Variants in PHF21A observed in about 807,000 individuals in gnomAD.
PHF21A encodes PHD finger protein 21A.
A neutral mutation model predicts 82.5 loss-of-function variants in PHF21A; 11 were observed. The observed-to-expected ratio is 0.13, with a 90% confidence interval of 0.08 to 0.22. PHF21A has a LOEUF of 0.22. Among genes scored for constraint, PHF21A ranks in the 10% least tolerant of loss-of-function variants. The pLI, the probability that PHF21A is intolerant of heterozygous loss-of-function variation, is 1.00. For synonymous variants in PHF21A, 297 were observed against 302.8 expected, an observed-to-expected ratio of 0.98 and a Z score of 0.20; for missense variants, 579 against 837.8, an observed-to-expected ratio of 0.69 and a Z score of 3.81.
At chr11:46,020,416 G>T (rs372101919) in intron 6 of PHF21A, among the ~76,000 whole-genome samples, 164 of 152,172 alleles carry the variant, frequency 1.1e-3, no homozygotes, top group African/African-American at 3.3e-3. Context: ...GGGTCTTTGC[G>T]CAGCAGCAGG....
At chr11:46,099,562 A>ACACACACACACACACACC (rs1228299404) in intron 1 of PHF21A, among the ~76,000 whole-genome samples, 5 of 145,922 alleles carry the variant, frequency 3.4e-5, no homozygotes, top group African/African-American at 7.6e-5. Context: ...ACACACACAC[A>ACACACACACACACACACC]CCCTAAACAC....
At chr11:45,949,032 G>T in intron 13 of PHF21A, 86 bp from the exon 14 acceptor site, 1 of 1,033,804 alleles carries the variant, frequency 9.7e-7, no homozygotes, top group South Asian at 1.3e-5. Context: ...AGCATGGCAT[G>T]ACTGTCAACA....
At chr11:45,982,620 T>C (rs1370687193) in intron 6 of PHF21A, among the ~76,000 whole-genome samples, 1 of 152,210 alleles carries the variant, frequency 6.6e-6, no homozygotes, top group African/African-American at 2.4e-5. Context: ...ATTTTATTGC[T>C]TGGTGACTGC....
At chr11:46,086,904 T>C (rs2096863615) in intron 3 of PHF21A, among the ~76,000 whole-genome samples, 1 of 152,058 alleles carries the variant, frequency 6.6e-6, no homozygotes, top group East Asian at 1.9e-4. Context: ...ATAACAAAAA[T>C]CTATGAAAAA....
intron 6 of PHF21A, among the ~76,000 whole-genome samples, chr11:46,061,258 G>C (rs886990138): frequency 2.0e-5 from 3 of 152,126 alleles, no homozygotes; most frequent in Non-Finnish European, 4.4e-5. Flanking sequence ...CACCAGCTTT[G>C]TTCTTTTTGC....
chr11:46,019,081 A>G (rs200548180), intron 6 of PHF21A, among the ~76,000 whole-genome samples: 7 of 151,730 alleles, frequency 4.6e-5, no homozygotes, highest in Non-Finnish European at 4.4e-5. Context: ...AGCCTAATCT[A>G]ATTTTTTTTT....
intron 6 of PHF21A, among the ~76,000 whole-genome samples, chr11:46,068,682 A>G (rs547551114): frequency 5.1e-4 from 77 of 152,302 alleles, no homozygotes; most frequent in African/African-American, 1.7e-3. Flanking sequence ...AAAAAAATAC[A>G]GTAGATTCCA....
At chr11:46,110,788 ATT>A (rs201509628) in intron 1 of PHF21A, among the ~76,000 whole-genome samples, 91 of 145,142 alleles carry the variant, frequency 6.3e-4, no homozygotes, top group African/African-American at 1.5e-3. Flanking sequence ...CATATTAACA[ATT>A]TTTTTTTTTT....
At chr11:45,976,415 T>C (rs2094024343) in intron 7 of PHF21A, among the ~76,000 whole-genome samples, 2 of 152,196 alleles carry the variant, frequency 1.3e-5, no homozygotes, top group Non-Finnish European at 2.9e-5. Flanking sequence ...AGAACAGTGC[T>C]TGCACACAGT....
intron 6 of PHF21A, among the ~76,000 whole-genome samples, chr11:46,025,972 C>A (rs543599802): frequency 6.6e-6 from 1 of 152,294 alleles, no homozygotes; most frequent in East Asian, 1.9e-4. Flanking sequence ...TGATACAATA[C>A]TATTATCTCC....
chr11:46,089,638 T>C (rs1565936132), intron 3 of PHF21A, among the ~76,000 whole-genome samples: 1 of 152,094 alleles, frequency 6.6e-6, no homozygotes, highest in Non-Finnish European at 1.5e-5. Flanking sequence ...GTGACAGCTA[T>C]TGACCTCCTT....
intron 9 of PHF21A, 100 bp downstream of exon 9, chr11:45,969,715 C>G: frequency 1.3e-6 from 1 of 752,358 alleles, no homozygotes; most frequent in Admixed American, 2.3e-5. Context: ...GCGGGATAGA[C>G]AGCTGGGCTG....
intron 6 of PHF21A, among the ~76,000 whole-genome samples, chr11:46,074,436 A>T (rs1413830152): frequency 6.7e-6 from 1 of 148,340 alleles, no homozygotes; most frequent in East Asian, 2.0e-4. Context: ...AGGTTCTGCC[A>T]GAGGATAAGT....
rs1205675101 is a variant in PHF21A at position 46,021,939 on chromosome 11, A to G, written c.154-41973T>C. Among the ~76,000 whole-genome samples, 3 of 152,324 alleles carry G rather than the reference A, an allele frequency of 2.0e-5. No homozygotes were observed. In the East Asian group the frequency reaches 5.8e-4, roughly 29 times the overall value. On this transcript the variant is annotated intron_variant, in intron 6 of 18. Transcript: ENST00000676320. The stretch of plus-strand genomic sequence containing the variant: ...TGGAAAGGAAAAAACCACCATGGGA[A>G]CAGAAAATACAGGCATTGCACTAGT...
At position 46,002,951 on chromosome 11, in the gene PHF21A, A is replaced by C. The variant is rs528039828; in HGVS notation, c.154-22985T>G. Among the ~76,000 whole-genome samples, 11 of 152,314 alleles carry C rather than the reference A, an allele frequency of 7.2e-5. No homozygotes were observed. In the South Asian group the frequency reaches 2.1e-3, roughly 29 times the overall value. ...CAGCTCAAATTAAATGAATTCAAAT[A>C]AAATGAATTAATTGGATAAATATCT... On this transcript the variant is annotated intron_variant, in intron 6 of 18. Transcript: ENST00000676320.
intron 4 of PHF21A, among the ~76,000 whole-genome samples, chr11:46,081,961 T>C (rs946824454): frequency 6.6e-6 from 1 of 152,220 alleles, no homozygotes; most frequent in Non-Finnish European, 1.5e-5. Flanking sequence ...TGCTTTATAC[T>C]ATTCTCCATT....
chr11:46,021,666 C>T (rs2095635242), intron 6 of PHF21A, among the ~76,000 whole-genome samples: 1 of 152,118 alleles, frequency 6.6e-6, no homozygotes, highest in Non-Finnish European at 1.5e-5. Context: ...CTCAGCCTCT[C>T]AAGTCTCTGA....
chr11:46,014,929 G>A lies in PHF21A; in HGVS notation c.154-34963C>T, dbSNP rs2095484079. Reference sequence around the variant, plus strand: ...CGGGAGGCGGAGCTTGCAGTGAGCCGAGATCCCGCCACTGCACTCCAGCCT... The same window carrying A: ...CGGGAGGCGGAGCTTGCAGTGAGCCAAGATCCCGCCACTGCACTCCAGCCT... On this transcript the variant is annotated intron_variant, in intron 6 of 18. Coordinates refer to ENST00000676320, the MANE Select transcript of PHF21A (RefSeq NM_001352027.3). 6.5e-5 allele frequency among the ~76,000 whole-genome samples: 4 copies of A among 61,658 alleles called. 1 individual carries two copies. The highest frequency in any genetic ancestry group is 5.1e-4 in the Admixed American group (3 of 5,918). The allele number at this position is 61,658 out of a possible 152,430, so 40.5% of individuals were successfully genotyped here. A position where few individuals can be genotyped will look rare whatever the true frequency, so the allele number is the denominator to read the frequency against.
At chr11:46,107,550 C>T (rs922658455) in intron 1 of PHF21A, among the ~76,000 whole-genome samples, 9 of 152,152 alleles carry the variant, frequency 5.9e-5, no homozygotes, top group Non-Finnish European at 1.2e-4. Context: ...TAGAATTTTA[C>T]GGCAAGGCTT....
Sources: gnomAD v4.1 joint callset for allele counts (sites outside exome capture counted in the v4.1 genomes callset) on GRCh38, gnomAD v4.1.1 for gene constraint, MANE v1.5 for transcripts, NCBI Gene and HGNC (gene_info 2026-07-23, HGNC 2026-07-21) for gene names.